The following AGK variants were observed in gnomAD, a reference collection of about 807,000 sequenced individuals.
AGK encodes the protein acylglycerol kinase, mitochondrial.
A neutral mutation model predicts 66.4 loss-of-function variants in AGK; 52 were observed. That is an observed-to-expected ratio of 0.78 (90% confidence interval 0.63 to 0.99). The LOEUF (loss-of-function observed/expected upper bound fraction) is 0.99. Ranked by LOEUF, AGK falls within the 50% of genes least tolerant of loss-of-function variation. The pLI is 0.00. For synonymous variants in AGK, 182 were observed against 181.1 expected (o/e 1.00, Z -0.04); for missense variants, 451 against 506.6 (o/e 0.89, Z 1.05).
intron 12 of AGK, 134 bp downstream of exon 12, chr7:141,641,532 C>G (rs917325920): frequency 1.8e-5 from 19 of 1,050,526 alleles, no homozygotes; most frequent in East Asian, 2.5e-5. Flanking sequence ...ATTCATCCTT[C>G]TGTGTGCCAC....
chr7:141,574,958 G>A (rs1170865130), intron 2 of AGK, among the ~76,000 whole-genome samples: 1 of 152,144 alleles, frequency 6.6e-6, no homozygotes, highest in Non-Finnish European at 1.5e-5. Flanking sequence ...TTTTAGGTGA[G>A]GCCTTCCCAT....
chr7:141,604,510 A>C (rs1451372630), intron 5 of AGK, among the ~76,000 whole-genome samples: 1 of 150,210 alleles, frequency 6.7e-6, no homozygotes, highest in East Asian at 1.9e-4. Context: ...AAACAAGGGC[A>C]CTCTCTTATA....
chr7:141,614,774 C>T (rs376300736), intron 7 of AGK, among the ~76,000 whole-genome samples: 14 of 137,238 alleles, frequency 1.0e-4, no homozygotes, highest in African/African-American at 1.7e-4. Flanking sequence ...GTATCTCTAT[C>T]GTTTTATTTC....
At chr7:141,632,610 G>C (rs956915928) in intron 9 of AGK, among the ~76,000 whole-genome samples, 5 of 152,106 alleles carry the variant, frequency 3.3e-5, no homozygotes, top group Non-Finnish European at 7.3e-5. Flanking sequence ...TCTTAGATGG[G>C]GCATTGTCAA....
intron 4 of AGK, among the ~76,000 whole-genome samples, chr7:141,599,960 G>T (rs1796307369): frequency 1.3e-5 from 2 of 152,112 alleles, no homozygotes; most frequent in African/African-American, 4.8e-5. Flanking sequence ...GAAGTGATTT[G>T]TGTTCTATAT....
chr7:141,623,379 C>CA lies in AGK; in HGVS notation c.588+1591dup, dbSNP rs35119899. ...GGGTAACTAGAGCAAAACTTTTTCT[C>CA]AAAAAAAAAAAAAGAAAAAAAAAAG... On this transcript the variant is annotated intron_variant, in intron 9 of 15. Transcript: ENST00000649286. Among the ~76,000 whole-genome samples the CA allele has an allele frequency of 9.8e-3, 531 of 53,912 alleles. 2 individuals are homozygous for CA. The highest frequency in any genetic ancestry group is 0.012 in the Admixed American group (58 of 4,758). 35.4% of individuals were successfully genotyped at this position (53,912 alleles called of 152,430 possible). A position where few individuals can be genotyped will look rare whatever the true frequency, so the allele number is the denominator to read the frequency against.
At chr7:141,572,994 A>G (rs1171951579) in intron 2 of AGK, among the ~76,000 whole-genome samples, 1 of 152,246 alleles carries the variant, frequency 6.6e-6, no homozygotes, top group Non-Finnish European at 1.5e-5. Flanking sequence ...CTGACTTTGC[A>G]GTCAATGGTC....
intron 13 of AGK, among the ~76,000 whole-genome samples, chr7:141,648,846 C>T (rs1366164852): frequency 2.0e-5 from 3 of 152,170 alleles, no homozygotes; most frequent in Non-Finnish European, 2.9e-5. Context: ...GGGCTCTCCA[C>T]ACCAAGCAGC....
chr7:141,627,926 G>C (rs1440070185), intron 9 of AGK, among the ~76,000 whole-genome samples: 1 of 152,154 alleles, frequency 6.6e-6, no homozygotes, highest in Admixed American at 6.6e-5. Context: ...CTGTCACCCA[G>C]GCTGAAGTGC....
intron 2 of AGK, among the ~76,000 whole-genome samples, chr7:141,556,156 G>A (rs1462467480): frequency 1.3e-5 from 2 of 152,190 alleles, no homozygotes; most frequent in Non-Finnish European, 2.9e-5. Flanking sequence ...GTAGATAAGA[G>A]ACAAATGGTT....
rs149800032 is a variant in AGK, at chr7:141,648,579, A to G, written c.976-684A>G. Among the ~76,000 whole-genome samples the G allele has an allele frequency of 3.7e-4, 57 of 152,314 alleles. 1 individual carries two copies. The East Asian group carries it at 0.011, about 29-fold the overall frequency. ...GAAACAAGACCTCTATTTGAAGCTG[A>G]CATAGAAGTTGTGGGATTGATTTAC... is the stretch of plus-strand genomic sequence containing the variant. On this transcript the variant is annotated intron_variant, in intron 13 of 15. Transcript: ENST00000649286.
At chr7:141,576,654 C>T (rs1795745468) in intron 2 of AGK, among the ~76,000 whole-genome samples, 1 of 149,540 alleles carries the variant, frequency 6.7e-6, no homozygotes, top group South Asian at 2.1e-4. Context: ...GGAAGTTAAA[C>T]CTTAAAATGG....
chr7:141,609,614 T>C (rs1211835510), intron 5 of AGK, among the ~76,000 whole-genome samples: 3 of 152,186 alleles, frequency 2.0e-5, no homozygotes, highest in Non-Finnish European at 4.4e-5. Context: ...ACTCCATTGC[T>C]TAGGAAGGTT....
At position 141,633,933 on chromosome 7, in the gene AGK, C is replaced by T. The variant is rs140431258; in HGVS notation, c.621C>T (p.Thr207=). ...GEKEQPVFAM[T]GLRWGSFRDA... is the part of the protein sequence containing the mutation. ...AGGAACAGCCTGTATTTGCAATGAC[C>T]GGCCTTCGATGGGGATCTTTCAGAG... Residue 207 remains threonine (T), a synonymous_variant, in exon 10 of 16, where the codon ACC becomes ACT. Transcript: ENST00000649286. 8.5e-5 allele frequency: 137 copies of T among 1,613,924 alleles called. No individual in the cohort carries two copies. The East Asian group carries it at 2.8e-3, about 33-fold the overall frequency.
At chr7:141,623,815 G>A (rs1177213161) in intron 9 of AGK, among the ~76,000 whole-genome samples, 1 of 152,174 alleles carries the variant, frequency 6.6e-6, no homozygotes, top group Admixed American at 6.5e-5. Flanking sequence ...CATAGCTAGA[G>A]ACGGGAAGTC....
At chr7:141,624,536 T>C (rs1796895027) in intron 9 of AGK, among the ~76,000 whole-genome samples, 1 of 152,182 alleles carries the variant, frequency 6.6e-6, no homozygotes, top group Non-Finnish European at 1.5e-5. Flanking sequence ...CCAACCCTCA[T>C]GGATGACTTT....
At chr7:141,603,421 A>G (rs147705705) in intron 5 of AGK, among the ~76,000 whole-genome samples, 2,085 of 152,118 alleles carry the variant, frequency 0.014, 62 homozygotes, top group African/African-American at 0.046. Flanking sequence ...GTGATAGTCT[A>G]TCTTATCTAG....
At chr7:141,586,671 A>G (rs1796000918) in intron 2 of AGK, among the ~76,000 whole-genome samples, 1 of 152,194 alleles carries the variant, frequency 6.6e-6, no homozygotes, top group Admixed American at 6.5e-5. Context: ...AAAATGATCC[A>G]ATCCTTGAAG....
In AGK at chr7:141,596,309, T is replaced by C. The variant is rs1796224835; in HGVS notation, c.142-253T>C. 2.6e-5 allele frequency among the ~76,000 whole-genome samples: 4 copies of C among 152,162 alleles called. No homozygotes were observed. The South Asian group carries it at 6.2e-4, about 24-fold the overall frequency. ...AGCTATATCTTATAGAGAAAATAAA[T>C]GTTATTTGCCTCTAGTAGATAAAGC... On this transcript the variant is annotated intron_variant, in intron 3 of 15. Transcript: ENST00000649286.
Sources: allele counts gnomAD v4.1 joint callset (sites outside exome capture counted in the v4.1 genomes callset), GRCh38; gene constraint gnomAD v4.1.1; transcripts MANE v1.5; gene names NCBI Gene and HGNC (gene_info 2026-07-23, HGNC 2026-07-21).